Variants in EEF1AKMT1 observed in about 807,000 individuals in gnomAD.
The protein encoded by EEF1AKMT1 is N-6 adenine-specific DNA methyltransferase 2 (putative).
A neutral mutation model predicts 21.0 loss-of-function variants in EEF1AKMT1; 18 were observed. The ratio of observed to expected loss-of-function variants is 0.86; its 90% CI spans 0.59 to 1.27. The LOEUF (loss-of-function observed/expected upper bound fraction) is 1.27, where lower values mean the gene tolerates loss of function less well. Ranked by LOEUF, EEF1AKMT1 falls within the 50% of genes most tolerant of loss-of-function variation. The pLI is 0.00. For synonymous variants in EEF1AKMT1, 109 were observed against 94.8 expected, an observed-to-expected ratio of 1.15 and a Z score of -0.87; for missense variants, 246 against 258.6, an observed-to-expected ratio of 0.95 and a Z score of 0.33.
intron 2 of EEF1AKMT1, among the ~76,000 whole-genome samples, chr13:20,746,461 A>G (rs2058905324): frequency 6.6e-6 from 1 of 152,150 alleles, no homozygotes; most frequent in Non-Finnish European, 1.5e-5. Context: ...ATGTCTATCC[A>G]TTCTTATCTA....
At chr13:20,763,771 G>A (rs1419720384) in intron 1 of EEF1AKMT1, among the ~76,000 whole-genome samples, 1 of 152,116 alleles carries the variant, frequency 6.6e-6, no homozygotes, top group African/African-American at 2.4e-5. Context: ...TCTTGTATGA[G>A]AGGCCTTTAA....
rs191325501 is a variant in EEF1AKMT1 at position 20,731,055 on chromosome 13, A to G, written c.508+786T>C. ...TGCCGCCTTTAAGAGCTGTAACACC[A>G]CGAGGTCTGTGGCTTCATTCTTCAA... is the stretch of plus-strand genomic sequence containing the variant. On this transcript the variant is annotated intron_variant, in intron 4 of 4. Transcript: ENST00000382758. Among the ~76,000 whole-genome samples the G allele has an allele frequency of 1.0e-3, 156 of 152,340 alleles. 1 individual carries two copies. The highest frequency in any genetic ancestry group is 4.4e-4 in the Non-Finnish European group (30 of 68,040).
intron 1 of EEF1AKMT1, among the ~76,000 whole-genome samples, chr13:20,770,601 A>T (rs2059057786): frequency 6.6e-6 from 1 of 152,340 alleles, no homozygotes; most frequent in East Asian, 1.9e-4. Flanking sequence ...TGAACTGAGA[A>T]AACATGGCAA....
At chr13:20,770,882 ATTT>A (rs753381466) in intron 1 of EEF1AKMT1, among the ~76,000 whole-genome samples, 9 of 145,692 alleles carry the variant, frequency 6.2e-5, no homozygotes, top group Admixed American at 6.9e-5. Context: ...TGACATATAA[ATTT>A]TTTTTTTTTT....
At chr13:20,763,385 G>T (rs2059010985) in intron 1 of EEF1AKMT1, among the ~76,000 whole-genome samples, 1 of 151,690 alleles carries the variant, frequency 6.6e-6, no homozygotes, top group African/African-American at 2.4e-5. Context: ...TGCTGTTTCT[G>T]CCATTACTTT....
At chr13:20,754,685 G>C (rs908101911) in intron 2 of EEF1AKMT1, among the ~76,000 whole-genome samples, 2 of 145,018 alleles carry the variant, frequency 1.4e-5, no homozygotes, top group Non-Finnish European at 1.5e-5. Flanking sequence ...AAGGCAGGCA[G>C]ATCATTTCAA....
intron 3 of EEF1AKMT1, among the ~76,000 whole-genome samples, chr13:20,734,718 C>T (rs2058817028): frequency 6.6e-6 from 1 of 151,978 alleles, no homozygotes; most frequent in Non-Finnish European, 1.5e-5. Context: ...CTCAGCCTCC[C>T]GAGTATCATC....
chr13:20,732,001 A>G lies in EEF1AKMT1; in HGVS notation c.348T>C (p.Ile116=), dbSNP rs35948132. The G allele has an allele frequency of 0.019, 30,584 of 1,614,182 alleles. 810 individuals are homozygous for G. Among genetic ancestry groups the G allele is most frequent in the African/African-American group, 0.12 (8,903 of 75,026 alleles). Residue 116 remains isoleucine, a synonymous_variant, in exon 4 of 5, where the codon ATT becomes ATC. Coordinates refer to ENST00000382758, the MANE Select transcript of EEF1AKMT1 (RefSeq NM_001318939.2). ...CCAATGGATTATTGTAATCATAGAA[A>G]ATAAACTCCTCTCCATACATGGCAA... ...KRFAMYGEEF[I]FYDYNNPLDL...
chr13:20,735,150 G>C (rs528548536), intron 3 of EEF1AKMT1, among the ~76,000 whole-genome samples: 10 of 152,196 alleles, frequency 6.6e-5, no homozygotes, highest in Non-Finnish European at 1.0e-4. Context: ...CTGGCAGTTG[G>C]AAAGCTGAGA....
intron 2 of EEF1AKMT1, among the ~76,000 whole-genome samples, chr13:20,739,346 G>A (rs771815123): frequency 6.6e-5 from 10 of 152,186 alleles, no homozygotes; most frequent in Non-Finnish European, 8.8e-5. Context: ...CAACCCAAGA[G>A]GGTTGCCGCC....
In EEF1AKMT1 at chr13:20,771,251, A is replaced by G. The variant is rs1483020974; in HGVS notation, c.-20+2670T>C. On this transcript the variant is annotated intron_variant, in intron 1 of 4. Coordinates refer to ENST00000382758, the MANE Select transcript of EEF1AKMT1 (RefSeq NM_001318939.2). ...AATAACAGCCTGTAACTTGTTAATCACTTAGAAATAAAACATGAAAACCAA... is the reference window on the plus strand; with the variant it reads ...AATAACAGCCTGTAACTTGTTAATCGCTTAGAAATAAAACATGAAAACCAA... Among the ~76,000 whole-genome samples the G allele has an allele frequency of 5.9e-5, 9 of 152,344 alleles. No individual in the cohort carries two copies. The East Asian group carries it at 1.7e-3, about 29-fold the overall frequency.
chr13:20,754,688 C>A (rs1385483872), intron 2 of EEF1AKMT1, among the ~76,000 whole-genome samples: 2 of 146,186 alleles, frequency 1.4e-5, no homozygotes, highest in African/African-American at 2.6e-5. Flanking sequence ...GCAGGCAGAT[C>A]ATTTCAAGGC....
chr13:20,744,766 T>C (rs74507786), intron 2 of EEF1AKMT1, among the ~76,000 whole-genome samples: 114,939 of 152,080 alleles, frequency 0.76, 45,046 homozygotes, highest in East Asian at 1. Context: ...CCCATGCCTA[T>C]GTCCTGAATG....
At chr13:20,735,164 G>A (rs1324464595) in intron 3 of EEF1AKMT1, among the ~76,000 whole-genome samples, 1 of 152,184 alleles carries the variant, frequency 6.6e-6, no homozygotes, top group African/African-American at 2.4e-5. Context: ...GCTGAGAAGC[G>A]CCCTGGTTCA....
At chr13:20,729,793 TC>T (rs1388482182) in intron 4 of EEF1AKMT1, among the ~76,000 whole-genome samples, 7 of 152,190 alleles carry the variant, frequency 4.6e-5, no homozygotes, top group African/African-American at 1.7e-4. Context: ...CTCAACTTCA[TC>T]TTCAAAGTAT....
chr13:20,747,248 T>C, intron 2 of EEF1AKMT1: 1 of 249,874 alleles, frequency 4.0e-6, no homozygotes, highest in Non-Finnish European at 7.8e-6. Context: ...CAAGTTAGGG[T>C]CTCCAATAAG....
chr13:20,768,170 T>C (rs1473505590), intron 1 of EEF1AKMT1, among the ~76,000 whole-genome samples: 2 of 152,254 alleles, frequency 1.3e-5, no homozygotes, highest in African/African-American at 4.8e-5. Context: ...TCTGATAGTT[T>C]TTTTATGGAA....
At chr13:20,760,659 C>T (rs553949245) in intron 1 of EEF1AKMT1, among the ~76,000 whole-genome samples, 7 of 152,148 alleles carry the variant, frequency 4.6e-5, no homozygotes, top group East Asian at 3.9e-4. Flanking sequence ...ATACCCTGCA[C>T]ATGTATGCCC....
At chr13:20,771,953 G>A (rs2059064913) in intron 1 of EEF1AKMT1, among the ~76,000 whole-genome samples, 1 of 151,704 alleles carries the variant, frequency 6.6e-6, no homozygotes, top group Non-Finnish European at 1.5e-5. Flanking sequence ...GGAGGTTGCA[G>A]TCAGCTGAGA....
Sources: allele counts gnomAD v4.1 joint callset (sites outside exome capture counted in the v4.1 genomes callset), GRCh38; gene constraint gnomAD v4.1.1; transcripts MANE v1.5; gene names NCBI Gene and HGNC (gene_info 2026-07-23, HGNC 2026-07-21).